Variants in ELN observed in about 807,000 individuals in gnomAD.
ELN encodes elastin.
Under a neutral mutation model 105.8 loss-of-function variants are expected in ELN, and 65 were observed. That is an observed-to-expected ratio of 0.61 (90% CI 0.50 to 0.75). The LOEUF (loss-of-function observed/expected upper bound fraction) is 0.75, where lower values mean the gene tolerates loss of function less well. ELN is among the 30% of genes least tolerant of loss of function. The pLI, the probability that ELN is intolerant of heterozygous loss-of-function variation, is 0.00. For missense variants in ELN, 882 were observed against 969.4 expected (o/e 0.91, Z 1.20); for synonymous variants, 368 against 389.2 (o/e 0.95, Z 0.64).
intron 20 of ELN, 57 bp downstream of exon 20, chr7:74,056,492 T>A: frequency 6.2e-7 from 1 of 1,612,430 alleles, no homozygotes; most frequent in Non-Finnish European, 8.5e-7. Flanking sequence ...GCTTCTTGTC[T>A]GCTCGGCTCT....
At position 74,057,396 on chromosome 7, in the gene ELN, G is replaced by A. The variant is rs782555567; in HGVS notation, c.1358-244G>A. 6.6e-7 allele frequency: 1 copy of A among 1,506,486 alleles called. No homozygotes were observed. The highest frequency in any genetic ancestry group is 2.2e-5 in the Admixed American group (1 of 44,716). The allele number at this position is 1,506,486 out of a possible 1,614,324, so 93.3% of individuals were successfully genotyped here. A position where few individuals can be genotyped will look rare whatever the true frequency, so the allele number is the denominator to read the frequency against. ...CACTCCCCGAGGTGCTGCAGGAGCA[G>A]GAGTGCTGGGTGGGCTAGTGCCAGG... On this transcript the variant is annotated intron_variant, in intron 21 of 32. Coordinates refer to ENST00000252034, the MANE Select transcript of ELN (RefSeq NM_000501.4).
Position 74,053,067 on chromosome 7 carries a change from T to C in ELN, c.950-96T>C, listed in dbSNP as rs1234953683. 8 of 1,584,594 alleles carry C rather than the reference T, an allele frequency of 5.0e-6. No homozygotes were observed. In the African/African-American group the frequency reaches 1.1e-4, roughly 21 times the overall value. On this transcript the variant is annotated intron_variant, in intron 17 of 32. Transcript: ENST00000252034. ...ATGTCAACCCACCTGCAATCCTGCA[T>C]TCAGGACCAACTGTCACTTCCATAC...
At chr7:74,044,733 A>G (rs1554670883) in intron 9 of ELN, among the ~76,000 whole-genome samples, 1 of 151,934 alleles carries the variant, frequency 6.6e-6, no homozygotes, top group Admixed American at 6.6e-5. Context: ...TCTCTCCCCC[A>G]CTACGCTGAA....
At position 74,054,583 on chromosome 7, in the gene ELN, T is replaced by C. The variant is rs28763985; in HGVS notation, c.1097-133T>C. 2.7e-3 allele frequency: 2,391 copies of C among 894,980 alleles called. 32 individuals carry two copies. The highest frequency in any genetic ancestry group is 0.025 in the African/African-American group (1,544 of 60,792). 55.4% of individuals were successfully genotyped at this position (894,980 alleles called of 1,614,324 possible). On this transcript the variant is annotated intron_variant, in intron 18 of 32. Coordinates refer to ENST00000252034, the MANE Select transcript of ELN (RefSeq NM_000501.4). ...AGGTGGGTGGACATCAGTGCATAAA[T>C]GGATGTGTAGCCAACTCTATGTTGG...
At chr7:74,068,186 A>G (rs145080320) in intron 32 of ELN, among the ~76,000 whole-genome samples, 1 of 152,124 alleles carries the variant, frequency 6.6e-6, no homozygotes, top group Non-Finnish European at 1.5e-5. Flanking sequence ...CTCAGACACT[A>G]TGTGGATAAG....
intron 4 of ELN, among the ~76,000 whole-genome samples, chr7:74,040,327 T>C (rs782342108): frequency 4.6e-5 from 7 of 152,234 alleles, no homozygotes; most frequent in Non-Finnish European, 1.0e-4. Context: ...AAGTGACTCC[T>C]GCCTGATCGC....
At position 74,056,785 on chromosome 7, in the gene ELN, A is replaced by G. The variant is rs1795341095; in HGVS notation, c.1357+72A>G. ...GGCTCAGGGTCCAACCTCAGGGCAA[A>G]CTGGCTCCCAGGCCTCCAGGACTGA... On this transcript the variant is annotated intron_variant, in intron 21 of 32. Transcript: ENST00000252034. 12 of 1,605,400 alleles carry G rather than the reference A, an allele frequency of 7.5e-6. No homozygotes were observed. The South Asian group carries it at 1.3e-4, about 18-fold the overall frequency.
intron 5 of ELN, among the ~76,000 whole-genome samples, chr7:74,042,179 G>T (rs530322220): frequency 6.6e-6 from 1 of 152,046 alleles, no homozygotes; most frequent in East Asian, 1.9e-4. Context: ...TAGCACTTTG[G>T]GAGGCTGAGA....
chr7:74,043,853 G>C, intron 8 of ELN, 26 bp from the exon 9 acceptor site: 1 of 1,613,816 alleles, frequency 6.2e-7, no homozygotes, highest in Non-Finnish European at 8.5e-7. Flanking sequence ...GCTGCTGCTA[G>C]TAACTTTGCT....
chr7:74,038,826 TC>T (rs1241029849), intron 4 of ELN, among the ~76,000 whole-genome samples: 3 of 152,172 alleles, frequency 2.0e-5, no homozygotes, highest in African/African-American at 7.2e-5. Flanking sequence ...GCGCTAAAAG[TC>T]CATCTGGGTT....
rs1791357162 is a variant in ELN at position 74,042,105 on chromosome 7, C to T, written c.233-509C>T. Among the ~76,000 whole-genome samples the T allele has an allele frequency of 2.0e-5, 3 of 151,536 alleles. No homozygotes were observed. The South Asian group carries it at 6.3e-4, about 32-fold the overall frequency. ...ATGCAGTTTTGTCAGAGCTGTCTAA[C>T]ACATTAACCTCGGCACACAATCTAG... On this transcript the variant is annotated intron_variant, in intron 5 of 32. Transcript: ENST00000252034.
At chr7:74,037,585 G>A in intron 3 of ELN, 122 bp from the exon 4 acceptor site, 2 of 1,435,520 alleles carry the variant, frequency 1.4e-6, no homozygotes, top group South Asian at 1.2e-5. Flanking sequence ...CTCCAAGTCT[G>A]AGCGGGAGGA....
intron 13 of ELN, 74 bp from the exon 14 acceptor site, chr7:74,048,068 G>A: frequency 2.5e-6 from 4 of 1,585,696 alleles, no homozygotes; most frequent in Non-Finnish European, 2.6e-6. Context: ...GGCCCCGAGG[G>A]CAGAGCAGGG....
At chr7:74,028,718 G>T (rs1787993685) in intron 1 of ELN, among the ~76,000 whole-genome samples, 2 of 152,194 alleles carry the variant, frequency 1.3e-5, no homozygotes, top group Non-Finnish European at 2.9e-5. Flanking sequence ...AGTGAGCTGT[G>T]TGACCTCAGC....
Position 74,068,672 on chromosome 7 carries a change from G to A in ELN, c.2147G>A (p.Gly716Glu). The change falls in exon 33 of 33, where the codon GGG becomes GAG. Residue 716 changes from glycine (G) to glutamate (E), a missense_variant. Physicochemically the swap from Gly to Glu is moderately conservative, Grantham distance 98. Transcript: ENST00000252034. The stretch of plus-strand genomic sequence containing the variant: ...TCCCGTCCAGGTGGGGCCTGCCTGG[G>A]GAAAGCTTGTGGCCGGAAGAGAAAA... ...SPIFPGGACL[G>E]KACGRKRK is the part of the protein sequence containing the mutation. 1 of 1,614,154 alleles carries A rather than the reference G, an allele frequency of 6.2e-7. No homozygotes were observed. The highest frequency in any genetic ancestry group is 8.5e-7 in the Non-Finnish European group (1 of 1,180,038).
At chr7:74,064,423 A>AAAAAAT (rs1554687738) in intron 29 of ELN, among the ~76,000 whole-genome samples, 23 of 133,132 alleles carry the variant, frequency 1.7e-4, no homozygotes, top group African/African-American at 5.1e-4. Context: ...TCAAAAAAAA[A>AAAAAAT]ATATATATAT....
At chr7:74,066,908 C>A in intron 32 of ELN, 132 bp downstream of exon 32, 3 of 901,154 alleles carry the variant, frequency 3.3e-6, no homozygotes, top group Non-Finnish European at 5.3e-6. Flanking sequence ...TCAGGTCACA[C>A]GAGGCTGGAC....
chr7:74,050,047 A>G (rs1223165269), intron 15 of ELN, among the ~76,000 whole-genome samples: 1 of 148,366 alleles, frequency 6.7e-6, no homozygotes, highest in Non-Finnish European at 1.5e-5. Flanking sequence ...CCATGCATGC[A>G]TCCATCCTTC....
Position 74,060,398 on chromosome 7 carries a change from TGGCATCCCTGGACTTGGAGTTGGTGTC to T in ELN, c.1648_1674del (p.Ile550_Gly558del). The T allele has an allele frequency of 6.2e-7, 1 of 1,614,172 alleles. No individual in the cohort carries two copies. The highest frequency in any genetic ancestry group is 8.5e-7 in the Non-Finnish European group (1 of 1,180,026). On this transcript the variant is annotated inframe_deletion, in exon 25 of 33. Transcript: ENST00000252034. ...CAGGAGCTGCAGCTGGGCTTGGTGC[TGGCATCCCTGGACTTGGAGTTGGTGTC>T]GGCGTCCCTGGACTTGGAGTTGGTG...
Sources: allele counts gnomAD v4.1 joint callset (sites outside exome capture counted in the v4.1 genomes callset), GRCh38; gene constraint gnomAD v4.1.1; transcripts MANE v1.5; gene names NCBI Gene and HGNC (gene_info 2026-07-23, HGNC 2026-07-21).